NCOA1: variants seen among roughly 807,000 people sequenced by gnomAD.
NCOA1 encodes nuclear receptor coactivator 1, also known as Hin-2 protein.
In NCOA1, 35 loss-of-function variants were observed where a neutral mutation model predicts 150.9. That is an observed-to-expected ratio of 0.23 (90% confidence interval 0.18 to 0.31). The LOEUF (loss-of-function observed/expected upper bound fraction) is 0.31, where lower values mean the gene tolerates loss of function less well. NCOA1 is among the 10% of genes least tolerant of loss of function. The probability of loss-of-function intolerance (pLI) is 1.00; values close to 1 mark genes in which losing one functional copy is unlikely to be tolerated. For synonymous variants in NCOA1, 590 were observed against 630.0 expected (o/e 0.94, Z 0.95); for missense variants, 1,491 against 1,749.3 (o/e 0.85, Z 2.63).
intron 2 of NCOA1, among the ~76,000 whole-genome samples, chr2:24,567,359 T>C (rs1297707294): frequency 6.6e-6 from 1 of 152,262 alleles, no homozygotes; most frequent in Non-Finnish European, 1.5e-5. Flanking sequence ...TTTTTAGGTA[T>C]ATCTTTTCTT....
intron 22 of NCOA1, chr2:24,767,994 G>C: frequency 7.2e-7 from 1 of 1,396,044 alleles, no homozygotes; most frequent in Non-Finnish European, 1.0e-6. Context: ...TAGGAGGCGT[G>C]ACCATTCCAA....
intron 8 of NCOA1, among the ~76,000 whole-genome samples, chr2:24,684,438 C>T (rs919792109): frequency 1.3e-5 from 2 of 152,156 alleles, no homozygotes; most frequent in African/African-American, 4.8e-5. Flanking sequence ...GCCTGGTTCT[C>T]AGGATGCTGT....
At chr2:24,748,481 G>A (rs1468786011) in intron 19 of NCOA1, among the ~76,000 whole-genome samples, 1 of 151,798 alleles carries the variant, frequency 6.6e-6, no homozygotes, top group African/African-American at 2.4e-5. Flanking sequence ...GTGGTGGTAT[G>A]AGCCTATAAT....
At position 24,758,003 on chromosome 2, in the gene NCOA1, C is replaced by A. The variant is rs1193557912; in HGVS notation, c.3912C>A (p.Pro1304=). 2.5e-6 allele frequency: 4 copies of A among 1,613,882 alleles called. No homozygotes were observed. Among genetic ancestry groups the A allele is most frequent in the African/African-American group, 1.3e-5 (1 of 74,882 alleles). Residue 1304 remains proline (P), a synonymous_variant, in exon 21 of 23, where the codon CCC becomes CCA. Coordinates refer to ENST00000348332, the MANE Select transcript of NCOA1 (RefSeq NM_003743.5). ...TCAGTCAAGCTGTCCAGAACCAGCC[C>A]ACGCCTGCACAGCCAGGAGTATACA... ...NVFSQAVQNQ[P]TPAQPGVYNN... is the part of the protein sequence containing the mutation.
At chr2:24,564,569 T>C (rs1666418863) in intron 2 of NCOA1, 139 bp downstream of exon 2, 1 of 152,224 alleles carries the variant, frequency 6.6e-6, no homozygotes, top group South Asian at 2.1e-4. Flanking sequence ...TTCACTTCCC[T>C]CCTTTCCCAC....
intron 1 of NCOA1, among the ~76,000 whole-genome samples, chr2:24,521,241 CAT>C (rs1664405736): frequency 6.6e-6 from 1 of 152,132 alleles, no homozygotes; most frequent in Non-Finnish European, 1.5e-5. Context: ...GGTCACCTCA[CAT>C]ATGTTTTTGT....
At chr2:24,693,160 T>C in intron 9 of NCOA1, 92 bp from the exon 10 acceptor site, 1 of 1,261,918 alleles carries the variant, frequency 7.9e-7, no homozygotes. Flanking sequence ...GGCCAACATG[T>C]ATTGTTTTTA....
chr2:24,628,357 T>C (rs1194313061), intron 3 of NCOA1, among the ~76,000 whole-genome samples: 1 of 151,946 alleles, frequency 6.6e-6, no homozygotes, highest in Non-Finnish European at 1.5e-5. Flanking sequence ...ATTCTGAAGC[T>C]CATGGGTTTG....
At chr2:24,590,492 A>G (rs560307133) in intron 3 of NCOA1, among the ~76,000 whole-genome samples, 4 of 152,100 alleles carry the variant, frequency 2.6e-5, no homozygotes, top group East Asian at 3.8e-4. Context: ...TATTTTTTCA[A>G]ATCTTCTCAA....
intron 2 of NCOA1, among the ~76,000 whole-genome samples, chr2:24,570,702 A>G (rs1666708827): frequency 6.6e-6 from 1 of 152,252 alleles, no homozygotes; most frequent in East Asian, 1.9e-4. Context: ...CTTGCCAAAA[A>G]AGTTGAACCC....
chr2:24,729,221 C>T (rs902939204), intron 16 of NCOA1, among the ~76,000 whole-genome samples: 2 of 152,170 alleles, frequency 1.3e-5, no homozygotes, highest in African/African-American at 2.4e-5. Flanking sequence ...GATTCTTAGG[C>T]TTTGCAATGA....
intron 4 of NCOA1, among the ~76,000 whole-genome samples, chr2:24,657,463 A>AG (rs1670999049): frequency 6.6e-6 from 1 of 152,234 alleles, no homozygotes; most frequent in Non-Finnish European, 1.5e-5. Flanking sequence ...TATGATCCTA[A>AG]GAGTTGGAAA....
intron 2 of NCOA1, among the ~76,000 whole-genome samples, chr2:24,566,097 T>C (rs902317537): frequency 5.3e-5 from 8 of 152,330 alleles, no homozygotes; most frequent in African/African-American, 1.9e-4. Flanking sequence ...CCATTTGATA[T>C]GTCCCGAGTT....
chr2:24,712,923 GTAAT>G, intron 14 of NCOA1, among the ~76,000 whole-genome samples: 1 of 152,090 alleles, frequency 6.6e-6, no homozygotes, highest in Admixed American at 6.5e-5. Context: ...CAGAGGGCCA[GTAAT>G]GATTAAGAAT....
At chr2:24,646,485 A>T (rs1170906724) in intron 4 of NCOA1, among the ~76,000 whole-genome samples, 1 of 152,156 alleles carries the variant, frequency 6.6e-6, no homozygotes, top group African/African-American at 2.4e-5. Context: ...TAGATTGCAT[A>T]GTTGTCACAT....
intron 2 of NCOA1, among the ~76,000 whole-genome samples, chr2:24,573,449 G>C (rs1448276072): frequency 6.6e-6 from 1 of 152,016 alleles, no homozygotes; most frequent in Non-Finnish European, 1.5e-5. Flanking sequence ...GTTAGATAAA[G>C]GTACAAAATC....
intron 1 of NCOA1, among the ~76,000 whole-genome samples, chr2:24,559,690 T>C (rs1401366943): frequency 7.1e-6 from 1 of 140,590 alleles, no homozygotes. Flanking sequence ...GGAATATCCT[T>C]CTTTTCCCCT....
chr2:24,685,334 T>C (rs1558903121), intron 8 of NCOA1, among the ~76,000 whole-genome samples: 1 of 152,188 alleles, frequency 6.6e-6, no homozygotes, highest in Non-Finnish European at 1.5e-5. Context: ...GAAGCTGGTA[T>C]GGTGAGAAAT....
At chr2:24,570,871 A>G (rs1019995692) in intron 2 of NCOA1, among the ~76,000 whole-genome samples, 77 of 152,226 alleles carry the variant, frequency 5.1e-4, no homozygotes, top group Non-Finnish European at 1.2e-4. Context: ...TGTAGGGAGA[A>G]AAAAGAGAAA....
Sources: allele counts gnomAD v4.1 joint callset (sites outside exome capture counted in the v4.1 genomes callset), GRCh38; gene constraint gnomAD v4.1.1; transcripts MANE v1.5; gene names NCBI Gene and HGNC (gene_info 2026-07-23, HGNC 2026-07-21).